The following WASHC2C variants were observed in gnomAD, a reference collection of about 807,000 sequenced individuals.
WASHC2C encodes Vaccinia Penetration Factor.
In WASHC2C, 73 loss-of-function variants were observed where a neutral mutation model predicts 142.2. The ratio of observed to expected loss-of-function variants is 0.51; its 90% CI spans 0.43 to 0.62. The LOEUF is 0.62. WASHC2C is among the 20% of genes least tolerant of loss of function. The pLI, the probability that WASHC2C is intolerant of heterozygous loss-of-function variation, is 0.00. For synonymous variants in WASHC2C, 337 were observed against 565.5 expected, an observed-to-expected ratio of 0.60 and a Z score of 5.73; for missense variants, 969 against 1,531.7, an observed-to-expected ratio of 0.63 and a Z score of 6.13.
At chr10:45,770,531 T>A (rs1554884259) in intron 20 of WASHC2C, among the ~76,000 whole-genome samples, 1 of 151,676 alleles carries the variant, frequency 6.6e-6, no homozygotes, top group African/African-American at 2.4e-5. Context: ...ACTTTGAAAT[T>A]CACCTGAATG....
rs376259506 is a variant in WASHC2C, at chr10:45,785,525, G to C, written c.2705G>C (p.Arg902Thr). The change falls in exon 26 of 31, where the codon AGA (arginine) becomes ACA (threonine). Residue 902 changes from arginine to threonine, a missense_variant. Coordinates refer to ENST00000623400, the MANE Select transcript of WASHC2C (RefSeq NM_001330074.2). ...CTTTTGAAGGTACAAGAGAAAAAGA[G>C]AGTAGTGAAAAAAGACCACTCTGTT... is the stretch of plus-strand genomic sequence containing the variant. Reference protein sequence around the residue: ...KSQPLVQEKKRVVKKDHSVNS... With the variant: ...KSQPLVQEKKTVVKKDHSVNS... 3.7e-5 allele frequency: 60 copies of C among 1,613,790 alleles called. No homozygotes were observed. The African/African-American group carries it at 7.7e-4, about 21-fold the overall frequency.
intron 27 of WASHC2C, 123 bp downstream of exon 27, chr10:45,786,797 G>T: frequency 6.4e-7 from 1 of 1,568,404 alleles, no homozygotes; most frequent in Non-Finnish European, 8.7e-7. Context: ...CCCCTCCCCT[G>T]CACCTAGTTG....
intron 17 of WASHC2C, 100 bp from the exon 18 acceptor site, chr10:45,763,288 A>C: frequency 1.7e-6 from 1 of 586,520 alleles, no homozygotes; most frequent in Non-Finnish European, 3.1e-6. Context: ...GCCTAGACAC[A>C]TGGCAGCTGT....
At position 45,756,935 on chromosome 10, in the gene WASHC2C, A is replaced by T. The variant is rs369354219; in HGVS notation, c.1421-77A>T. The T allele has an allele frequency of 2.9e-3, 3,418 of 1,180,794 alleles. 65 individuals carry two copies. In the East Asian group the frequency reaches 0.04, roughly 14 times the overall value. The allele number at this position is 1,180,794 out of a possible 1,614,324, so 73.1% of individuals were successfully genotyped here. A position where few individuals can be genotyped will look rare whatever the true frequency, so the allele number is the denominator to read the frequency against. Reference sequence around the variant, plus strand: ...TTTTTATGTTTATTCTTTGGGAGGGAAGAATTTTTTAATCTGTGAATTTTG... The same window carrying T: ...TTTTTATGTTTATTCTTTGGGAGGGTAGAATTTTTTAATCTGTGAATTTTG... On this transcript the variant is annotated intron_variant, in intron 15 of 30. Coordinates refer to ENST00000623400, the MANE Select transcript of WASHC2C (RefSeq NM_001330074.2).
chr10:45,774,552 AAATAT>A (rs2056901656), intron 21 of WASHC2C, among the ~76,000 whole-genome samples: 1 of 19,320 alleles, frequency 5.2e-5, no homozygotes, highest in African/African-American at 1.9e-4. Context: ...ATTATTTGTG[AAATAT>A]AATCATCTTT....
At chr10:45,746,364 G>A (rs1471375256) in intron 7 of WASHC2C, among the ~76,000 whole-genome samples, 2 of 151,874 alleles carry the variant, frequency 1.3e-5, no homozygotes, top group East Asian at 1.9e-4. Context: ...AGGCATTTAA[G>A]TGAACCACAA....
chr10:45,764,511 G>A (rs1173682054), intron 18 of WASHC2C, among the ~76,000 whole-genome samples: 2 of 149,868 alleles, frequency 1.3e-5, no homozygotes, highest in African/African-American at 5.0e-5. Flanking sequence ...ATACAAAGGA[G>A]GAGGCAGCCA....
At chr10:45,729,373 C>T (rs2050275826) in intron 3 of WASHC2C, among the ~76,000 whole-genome samples, 1 of 152,204 alleles carries the variant, frequency 6.6e-6, no homozygotes. Context: ...ACCCTCTGGA[C>T]ACCAGCATAT....
At chr10:45,766,457 C>T (rs2055835057) in intron 19 of WASHC2C, among the ~76,000 whole-genome samples, 1 of 145,876 alleles carries the variant, frequency 6.9e-6, no homozygotes, top group Non-Finnish European at 1.5e-5. Context: ...TCTTCTATGT[C>T]CTGCTTCAGA....
At chr10:45,728,271 A>T (rs1369542956) in intron 2 of WASHC2C, among the ~76,000 whole-genome samples, 1 of 152,128 alleles carries the variant, frequency 6.6e-6, no homozygotes, top group Non-Finnish European at 1.5e-5. Context: ...CTCTAGCGAT[A>T]ACCCTGCCTC....
intron 28 of WASHC2C, among the ~76,000 whole-genome samples, chr10:45,788,593 A>T (rs1262665411): frequency 2.0e-5 from 3 of 152,202 alleles, no homozygotes; most frequent in African/African-American, 7.2e-5. Context: ...GCAACAGATG[A>T]AACTTTTTGT....
rs2055384845 is a variant in WASHC2C at position 45,763,427 on chromosome 10, G to A, written c.1675G>A (p.Ala559Thr). 9.2e-7 allele frequency: 1 copy of A among 1,086,956 alleles called. No individual in the cohort carries two copies. Among genetic ancestry groups the A allele is most frequent in the Non-Finnish European group, 1.3e-6 (1 of 747,990 alleles). The allele number at this position is 1,086,956 out of a possible 1,614,324, so 67.3% of individuals were successfully genotyped here. Residue 559 changes from alanine to threonine, a missense_variant, in exon 18 of 31, where the codon GCA (alanine) becomes ACA (threonine). Ala to Thr is a moderately conservative substitution (Grantham distance 58). Transcript: ENST00000623400. ...SSQSASNLKGASLLPGKLPTS... is the reference protein window; with the variant it reads ...SSQSASNLKGTSLLPGKLPTS... ...TCAAAGTGCGAGTAACTTAAAAGGTGCATCTCTGCTGCCTGGCAAGCTCCC... is the reference window on the plus strand; with the variant it reads ...TCAAAGTGCGAGTAACTTAAAAGGTACATCTCTGCTGCCTGGCAAGCTCCC...
At chr10:45,751,267 C>G (rs1382960315) in intron 10 of WASHC2C, among the ~76,000 whole-genome samples, 1 of 150,600 alleles carries the variant, frequency 6.6e-6, no homozygotes, top group Non-Finnish European at 1.5e-5. Context: ...GCACATGAGC[C>G]TGGTACGAAA....
chr10:45,727,981 T>C (rs1395935979), intron 2 of WASHC2C, among the ~76,000 whole-genome samples: 1 of 152,230 alleles, frequency 6.6e-6, no homozygotes, highest in African/African-American at 2.4e-5. Context: ...ATAAGAGTGG[T>C]GGTTGATTAG....
At chr10:45,757,167 G>A (rs1554877708) in intron 16 of WASHC2C, 28 bp downstream of exon 16, 1 of 1,610,864 alleles carries the variant, frequency 6.2e-7, no homozygotes, top group Non-Finnish European at 8.5e-7. Flanking sequence ...CTTAACGCAG[G>A]AGCATTGATC....
At chr10:45,780,994 T>C (rs1418943523) in intron 23 of WASHC2C, among the ~76,000 whole-genome samples, 1 of 151,626 alleles carries the variant, frequency 6.6e-6, no homozygotes, top group Non-Finnish European at 1.5e-5. Flanking sequence ...CCTCAGGTGA[T>C]CCACCTGCCT....
Position 45,754,020 on chromosome 10 carries a change from T to C in WASHC2C, c.1181-466T>C, listed in dbSNP as rs2338329. On this transcript the variant is annotated intron_variant, in intron 13 of 30. Coordinates refer to ENST00000623400, the MANE Select transcript of WASHC2C (RefSeq NM_001330074.2). The stretch of plus-strand genomic sequence containing the variant: ...GCTCTCCTCTGCTTTCTGCTGTCCA[T>C]GTTTTGGCATCAGTGACTTGCTTGG... Among the ~76,000 whole-genome samples the C allele has an allele frequency of 2.1e-3, 314 of 151,732 alleles. 2 individuals are homozygous for C. The highest frequency in any genetic ancestry group is 7.1e-3 in the African/African-American group (294 of 41,240).
chr10:45,772,421 A>C lies in WASHC2C; in HGVS notation c.2040-835A>C, dbSNP rs181744317. Among the ~76,000 whole-genome samples the C allele has an allele frequency of 2.5e-3, 379 of 152,340 alleles. 3 individuals carry two copies. Among genetic ancestry groups the C allele is most frequent in the African/African-American group, 8.7e-3 (360 of 41,568 alleles). On this transcript the variant is annotated intron_variant, in intron 20 of 30. Coordinates refer to ENST00000623400, the MANE Select transcript of WASHC2C (RefSeq NM_001330074.2). ...AAAACCATTGAAGTGTACGCACTTT[A>C]AAAGAGTGAATCTGGCCAGGTGCAA...
Position 45,762,285 on chromosome 10 carries a change from T to G in WASHC2C, c.1636-1103T>G, listed in dbSNP as rs547353742. ...TGGAGTGCAATGGTGGGATCTTGGC[T>G]CACTGCAACCTCTGCCTTCCAGGTT... On this transcript the variant is annotated intron_variant, in intron 17 of 30. Transcript: ENST00000623400. 6.6e-5 allele frequency among the ~76,000 whole-genome samples: 10 copies of G among 152,318 alleles called. No homozygotes were observed. In the East Asian group the frequency reaches 1.9e-3, roughly 29 times the overall value.
Sources: allele counts gnomAD v4.1 joint callset (sites outside exome capture counted in the v4.1 genomes callset), GRCh38; gene constraint gnomAD v4.1.1; transcripts MANE v1.5; gene names NCBI Gene and HGNC (gene_info 2026-07-23, HGNC 2026-07-21).